Variants in TENM2 observed in about 807,000 individuals in gnomAD.
The protein encoded by TENM2 is teneurin-2.
A neutral mutation model predicts 245.2 loss-of-function variants in TENM2; 52 were observed. The ratio of observed to expected loss-of-function variants is 0.21; its 90% confidence interval spans 0.17 to 0.27. TENM2 has a LOEUF of 0.27. Among genes scored for constraint, TENM2 ranks in the 10% least tolerant of loss-of-function variants. TENM2 has a pLI of 1.00. For synonymous variants in TENM2, 1,363 were observed against 1,438.9 expected, an observed-to-expected ratio of 0.95 and a Z score of 1.19; for missense variants, 3,046 against 3,666.8, an observed-to-expected ratio of 0.83 and a Z score of 4.37.
At chr5:167,384,712 ACG>A (rs1260017177) in intron 2 of TENM2, among the ~76,000 whole-genome samples, 4 of 151,884 alleles carry the variant, frequency 2.6e-5, no homozygotes, top group East Asian at 1.9e-4. Context: ...GCGCGCACAC[ACG>A]CACACACACA....
intron 3 of TENM2, among the ~76,000 whole-genome samples, chr5:167,909,068 C>G (rs945918209): frequency 7.4e-6 from 1 of 135,534 alleles, no homozygotes; most frequent in African/African-American, 2.7e-5. Context: ...TTTTCTCTCT[C>G]TTTTTTTTTT....
At chr5:167,405,834 C>T (rs1357632938) in intron 2 of TENM2, among the ~76,000 whole-genome samples, 2 of 150,998 alleles carry the variant, frequency 1.3e-5, no homozygotes, top group Admixed American at 6.6e-5. Flanking sequence ...TGAGAAGGAA[C>T]TTGCAGAATC....
chr5:168,068,005 C>T (rs987468057), intron 7 of TENM2, among the ~76,000 whole-genome samples: 3 of 152,116 alleles, frequency 2.0e-5, no homozygotes, highest in Admixed American at 6.6e-5. Flanking sequence ...CCAAGAGAAC[C>T]TTGGTTTCTT....
At chr5:167,888,197 G>A (rs973722519) in intron 3 of TENM2, among the ~76,000 whole-genome samples, 24 of 152,134 alleles carry the variant, frequency 1.6e-4, no homozygotes, top group African/African-American at 5.6e-4. Flanking sequence ...GAATCCAATT[G>A]AATACTCAGC....
At chr5:167,958,291 G>C (rs1780719270) in intron 4 of TENM2, among the ~76,000 whole-genome samples, 1 of 152,130 alleles carries the variant, frequency 6.6e-6, no homozygotes, top group Admixed American at 6.5e-5. Context: ...GACTAGGATT[G>C]CAACCTTTGC....
intron 3 of TENM2, among the ~76,000 whole-genome samples, chr5:167,883,504 G>C (rs920495678): frequency 6.6e-6 from 1 of 152,222 alleles, no homozygotes; most frequent in South Asian, 2.1e-4. Context: ...AATCAAGATG[G>C]ACAGGTAATT....
At position 167,473,075 on chromosome 5, in the gene TENM2, G is replaced by A. The variant is rs547121119; in HGVS notation, c.502+97602G>A. 5.9e-5 allele frequency among the ~76,000 whole-genome samples: 9 copies of A among 152,232 alleles called. No homozygotes were observed. The South Asian group carries it at 6.2e-4, about 11-fold the overall frequency. The stretch of plus-strand genomic sequence containing the variant: ...TCAGTTCTTGGATGATAACACTATC[G>A]TGTGTGTTGACATTTGCCATTTTCC... On this transcript the variant is annotated intron_variant, in intron 2 of 28. Transcript: ENST00000518659.
intron 2 of TENM2, among the ~76,000 whole-genome samples, chr5:167,629,047 A>G (rs1244397613): frequency 6.6e-6 from 1 of 152,162 alleles, no homozygotes; most frequent in Non-Finnish European, 1.5e-5. Flanking sequence ...AGCTATATTA[A>G]CCCCCAAACA....
At chr5:167,328,707 A>G (rs1325262200) in intron 1 of TENM2, among the ~76,000 whole-genome samples, 1 of 152,120 alleles carries the variant, frequency 6.6e-6, no homozygotes, top group African/African-American at 2.4e-5. Flanking sequence ...CTAGATAGAC[A>G]CTTGAAGATT....
the TENM2 span, among the ~76,000 whole-genome samples, chr5:167,210,709 C>T: frequency 7.3e-5 from 11 of 151,386 alleles, no homozygotes; most frequent in African/African-American, 1.7e-4. Context: ...ATGATCCACC[C>T]GCCTCGGCCT....
At chr5:167,412,877 G>C (rs999165124) in intron 2 of TENM2, among the ~76,000 whole-genome samples, 1 of 73,500 alleles carries the variant, frequency 1.4e-5, no homozygotes, top group African/African-American at 3.7e-5. Context: ...GTCATCGAAA[G>C]CAAAAAAAAA....
chr5:168,213,644 G>A (rs1762952378), intron 20 of TENM2, among the ~76,000 whole-genome samples: 1 of 151,516 alleles, frequency 6.6e-6, no homozygotes, highest in African/African-American at 2.4e-5. Flanking sequence ...GGGCAACATA[G>A]TGAGACCCCA....
intron 2 of TENM2, among the ~76,000 whole-genome samples, chr5:167,496,956 A>G (rs1281901352): frequency 6.6e-6 from 1 of 152,134 alleles, no homozygotes; most frequent in East Asian, 1.9e-4. Context: ...GATTCTATCA[A>G]AAGTATTTGC....
At chr5:167,663,386 C>A (rs543018229) in intron 2 of TENM2, among the ~76,000 whole-genome samples, 32 of 152,282 alleles carry the variant, frequency 2.1e-4, no homozygotes, top group African/African-American at 7.5e-4. Flanking sequence ...TATTTTTCCT[C>A]AGTGTTTCAG....
the TENM2 span, among the ~76,000 whole-genome samples, chr5:167,011,214 C>A: frequency 6.6e-6 from 1 of 152,094 alleles, no homozygotes; most frequent in East Asian, 1.9e-4. Flanking sequence ...TGGTTAACAC[C>A]AATTGTCTTG....
chr5:167,856,706 G>A (rs183473219), intron 2 of TENM2, among the ~76,000 whole-genome samples: 2 of 152,286 alleles, frequency 1.3e-5, no homozygotes, highest in East Asian at 3.9e-4. Context: ...ACGGGGCTGT[G>A]AGAGCAGTGT....
At chr5:167,577,162 A>C (rs377505640) in intron 2 of TENM2, among the ~76,000 whole-genome samples, 1 of 152,206 alleles carries the variant, frequency 6.6e-6, no homozygotes, top group African/African-American at 2.4e-5. Flanking sequence ...TTTCAGGACC[A>C]ATGACCTCTA....
At chr5:168,198,739 C>T (rs1048672434) in intron 15 of TENM2, 114 bp from the exon 18 acceptor site, 3 of 1,340,088 alleles carry the variant, frequency 2.2e-6, no homozygotes, top group Admixed American at 4.3e-5. Flanking sequence ...CTCCAAAGCC[C>T]ATGGTCTCCT....
At chr5:167,122,960 T>G in the TENM2 span, among the ~76,000 whole-genome samples, 1 of 152,040 alleles carries the variant, frequency 6.6e-6, no homozygotes, top group African/African-American at 2.4e-5. Flanking sequence ...AAAATACGAT[T>G]ATCATCTTCA....
Sources: gnomAD v4.1 joint callset for allele counts (sites outside exome capture counted in the v4.1 genomes callset) on GRCh38, gnomAD v4.1.1 for gene constraint, MANE v1.5 for transcripts, NCBI Gene and HGNC (gene_info 2026-07-23, HGNC 2026-07-21) for gene names.